ACTR3C: variants seen among roughly 807,000 people sequenced by gnomAD.
The protein encoded by ACTR3C is actin-related protein 3C.
In ACTR3C, 18 loss-of-function variants were observed where a neutral mutation model predicts 26.3. The observed-to-expected ratio is 0.68, with a 90% CI of 0.47 to 1.01. The LOEUF is 1.01. ACTR3C is among the 50% of genes least tolerant of loss of function. ACTR3C has a pLI of 0.00. For missense variants in ACTR3C, 184 were observed against 250.7 expected, an observed-to-expected ratio of 0.73 and a Z score of 1.80; for synonymous variants, 55 against 94.5, an observed-to-expected ratio of 0.58 and a Z score of 2.42.
the ACTR3C span, among the ~76,000 whole-genome samples, chr7:150,049,495 C>T: frequency 8.5e-5 from 13 of 152,368 alleles, no homozygotes; most frequent in African/African-American, 2.9e-4. Flanking sequence ...CTAAGGCTCC[C>T]TGCTCCTTCC....
the ACTR3C span, among the ~76,000 whole-genome samples, chr7:149,903,919 G>A: frequency 2.8e-3 from 307 of 109,520 alleles, 36 homozygotes; most frequent in South Asian, 0.073. Flanking sequence ...TGTTGTTGTT[G>A]TTGTTGTTGT....
the ACTR3C span, among the ~76,000 whole-genome samples, chr7:150,173,582 A>G: frequency 2.7e-5 from 4 of 148,726 alleles, no homozygotes; most frequent in Admixed American, 6.6e-5. Flanking sequence ...CCCTGGAGAC[A>G]TTTTCCCCAT....
the ACTR3C span, among the ~76,000 whole-genome samples, chr7:150,193,113 A>T: frequency 6.6e-6 from 1 of 152,274 alleles, no homozygotes; most frequent in East Asian, 1.9e-4. Flanking sequence ...GTCAATCCTC[A>T]TATGTGGCTT....
the ACTR3C span, among the ~76,000 whole-genome samples, chr7:149,900,239 G>A: frequency 3.8e-3 from 579 of 151,918 alleles, 3 homozygotes; most frequent in Middle Eastern, 0.037. Context: ...GCAGTGGCGC[G>A]ATCTCAGCTC....
chr7:149,985,388 A>T, the ACTR3C span, among the ~76,000 whole-genome samples: 1 of 152,126 alleles, frequency 6.6e-6, no homozygotes, highest in African/African-American at 2.4e-5. Context: ...AACAGTACCC[A>T]CACCGGTGAT....
intron 1 of ACTR3C, among the ~76,000 whole-genome samples, chr7:150,299,139 C>T (rs1474550557): frequency 1.3e-5 from 2 of 151,582 alleles, no homozygotes; most frequent in African/African-American, 2.4e-5. Context: ...CATGCCGTCA[C>T]GCTCAGTTAA....
the ACTR3C span, among the ~76,000 whole-genome samples, chr7:149,915,100 G>A: frequency 6.6e-6 from 1 of 152,050 alleles, no homozygotes; most frequent in Non-Finnish European, 1.5e-5. Flanking sequence ...GGCTAGTCTG[G>A]AACTCCTGGC....
chr7:150,042,345 G>C, the ACTR3C span, among the ~76,000 whole-genome samples: 1 of 122,780 alleles, frequency 8.1e-6, no homozygotes, highest in East Asian at 2.5e-4. Context: ...CTCGCGGGGG[G>C]TGCCTCCGCC....
At chr7:149,886,731 G>A in the ACTR3C span, among the ~76,000 whole-genome samples, 4 of 152,310 alleles carry the variant, frequency 2.6e-5, no homozygotes, top group East Asian at 1.9e-4. Context: ...CAAGGCGGGC[G>A]GATCCCTTGA....
At chr7:150,157,346 A>G in the ACTR3C span, among the ~76,000 whole-genome samples, 1 of 151,504 alleles carries the variant, frequency 6.6e-6, no homozygotes, top group Non-Finnish European at 1.5e-5. Flanking sequence ...ATGATCCCTA[A>G]CACATGAATA....
the ACTR3C span, among the ~76,000 whole-genome samples, chr7:150,113,847 A>C: frequency 1.3e-5 from 2 of 151,680 alleles, no homozygotes; most frequent in African/African-American, 4.9e-5. Flanking sequence ...CTATAAATTT[A>C]TTTTATAAGT....
the ACTR3C span, among the ~76,000 whole-genome samples, chr7:149,918,819 T>G: frequency 4.6e-5 from 7 of 152,172 alleles, no homozygotes; most frequent in Non-Finnish European, 8.8e-5. Flanking sequence ...TTTAGAGATA[T>G]AAGAAAGACA....
the ACTR3C span, among the ~76,000 whole-genome samples, chr7:149,977,894 C>A: frequency 1.3e-5 from 2 of 151,324 alleles, 1 homozygote. Context: ...TCCAACCAGT[C>A]GGTCAGCTTT....
the ACTR3C span, among the ~76,000 whole-genome samples, chr7:150,123,395 G>T: frequency 1.3e-5 from 2 of 152,088 alleles, no homozygotes; most frequent in African/African-American, 4.8e-5. Flanking sequence ...AAAGACCACT[G>T]AAGCCCAGTA....
chr7:150,279,351 T>C (rs902732170), intron 6 of ACTR3C, among the ~76,000 whole-genome samples: 3 of 152,236 alleles, frequency 2.0e-5, no homozygotes, highest in Admixed American at 1.3e-4. Flanking sequence ...CCATTTACCC[T>C]GCAACATGCT....
At chr7:150,014,282 C>T in the ACTR3C span, among the ~76,000 whole-genome samples, 3 of 152,096 alleles carry the variant, frequency 2.0e-5, no homozygotes, top group East Asian at 1.9e-4. Context: ...AGTGAAACCC[C>T]GTCTCTACTA....
chr7:150,188,689 CTT>C, the ACTR3C span, among the ~76,000 whole-genome samples: 1 of 151,796 alleles, frequency 6.6e-6, no homozygotes, highest in Non-Finnish European at 1.5e-5. Context: ...TGAAACTATT[CTT>C]TCTCTTGATT....
chr7:150,214,221 A>G, the ACTR3C span, among the ~76,000 whole-genome samples: 1 of 152,250 alleles, frequency 6.6e-6, no homozygotes, highest in South Asian at 2.1e-4. Context: ...TCCAATTTCG[A>G]GAAGAAAATA....
chr7:150,049,989 T>C, the ACTR3C span, among the ~76,000 whole-genome samples: 1 of 152,166 alleles, frequency 6.6e-6, no homozygotes, highest in East Asian at 1.9e-4. Context: ...TCCATTTGAC[T>C]TTGAAGACAG....
Sources: gnomAD v4.1 joint callset for allele counts (sites outside exome capture counted in the v4.1 genomes callset) on GRCh38, gnomAD v4.1.1 for gene constraint, MANE v1.5 for transcripts, NCBI Gene and HGNC (gene_info 2026-07-23, HGNC 2026-07-21) for gene names.